MAP1A: variants seen among roughly 807,000 people sequenced by gnomAD.
MAP1A encodes microtubule associated protein 1A, also known as microtubule-associated protein 1A.
Under a neutral mutation model 185.9 loss-of-function variants are expected in MAP1A, and 42 were observed. The observed-to-expected ratio is 0.23, with a 90% confidence interval of 0.18 to 0.29. The LOEUF is 0.29. MAP1A is among the 10% of genes least tolerant of loss of function. The pLI, the probability that MAP1A is intolerant of heterozygous loss-of-function variation, is 1.00. For missense variants in MAP1A, 2,995 were observed against 3,450.4 expected, an observed-to-expected ratio of 0.87 and a Z score of 3.31; for synonymous variants, 1,229 against 1,335.9, an observed-to-expected ratio of 0.92 and a Z score of 1.74.
Position 43,521,839 on chromosome 15 carries a change from C to A in MAP1A, c.366C>A (p.Asp122Glu), listed in dbSNP as rs774285446. Residue 122 changes from aspartate to glutamate, a missense_variant, in exon 4 of 6, where the codon GAC becomes GAA. By Grantham distance (45) the Asp-to-Glu change is conservative (BLOSUM62 2). Transcript: ENST00000300231. This position sits in a 1 kb window ranked among gnomAD's most constrained non-coding sequence, Gnocchi z 4.6. The part of the protein sequence containing the change: ...EQSQGSSSYS[D>E]WVKNLISPEL... ...CCCAGGGCTCTAGCAGTTACAGCGA[C>A]TGGGTGAAGAACCTTATCTCTCCTG... 1 of 1,614,230 alleles carries A rather than the reference C, an allele frequency of 6.2e-7. No individual in the cohort carries two copies.
rs1233397995 is a variant in MAP1A, at chr15:43,524,389, A to G, written c.2916A>G (p.Pro972=). 13 of 1,614,106 alleles carry G rather than the reference A, an allele frequency of 8.1e-6. No homozygotes were observed. Among genetic ancestry groups the G allele is most frequent in the Non-Finnish European group, 9.3e-6 (11 of 1,180,036 alleles). Residue 972 remains proline (P), a synonymous_variant, in exon 4 of 6, where the codon CCA becomes CCG. Coordinates refer to ENST00000300231, the MANE Select transcript of MAP1A (RefSeq NM_002373.6). The part of the protein sequence containing the change: ...VFSAPGHALH[P]GEPALGEAEE... ...GTGCCCCTGGGCATGCCCTACATCC[A>G]GGAGAACCAGCCCTTGGAGAAGCAG...
upstream of MAP1A, among the ~76,000 whole-genome samples, chr15:43,514,041 T>G (rs894994699): frequency 2.0e-5 from 3 of 152,212 alleles, no homozygotes; most frequent in African/African-American, 7.2e-5. Context: ...TTCTTCAGAT[T>G]AAGATGCAGC....
upstream of MAP1A, among the ~76,000 whole-genome samples, chr15:43,516,351 G>A (rs923668214): frequency 5.9e-5 from 9 of 152,144 alleles, no homozygotes; most frequent in African/African-American, 2.2e-4. Flanking sequence ...CAATTAAGGG[G>A]GGATGGGGGA....
In MAP1A at chr15:43,522,820, G is replaced by A. The variant is rs1595647556; in HGVS notation, c.1347G>A (p.Arg449=). ...EKKDAKKEEK[R]KDTKPELKKI... is the part of the protein sequence containing the mutation. ...AGGATGCCAAGAAGGAGGAGAAGAG[G>A]AAAGATACCAAACCTGAGCTCAAGA... The change falls in exon 4 of 6, where the codon AGG becomes AGA. Residue 449 remains arginine, a synonymous_variant. Transcript: ENST00000300231. The surrounding 1 kb of genome is among the most constrained non-coding windows in gnomAD (Gnocchi z 5.9). 1 of 1,589,024 alleles carries A rather than the reference G, an allele frequency of 6.3e-7. No individual in the cohort carries two copies. Among genetic ancestry groups the A allele is most frequent in the Non-Finnish European group, 8.6e-7 (1 of 1,166,208 alleles).
chr15:43,525,997 T>C lies in MAP1A; in HGVS notation c.4524T>C (p.His1508=). 6.2e-7 allele frequency: 1 copy of C among 1,613,758 alleles called. No individual in the cohort carries two copies. The highest frequency in any genetic ancestry group is 1.1e-5 in the South Asian group (1 of 91,076). Residue 1508 remains histidine (H), a synonymous_variant, in exon 4 of 6, where the codon CAT becomes CAC. Transcript: ENST00000300231. ...ALDQKVRSVE[H]KAPEDTVAEM... Reference sequence around the variant, plus strand: ...ATCAAAAAGTCAGAAGTGTTGAACATAAGGCTCCGGAGGACACGGTCGCTG... The same window carrying C: ...ATCAAAAAGTCAGAAGTGTTGAACACAAGGCTCCGGAGGACACGGTCGCTG...
rs1566977987 is a variant in MAP1A, at chr15:43,524,802, G to T, written c.3329G>T (p.Gly1110Val). The T allele has an allele frequency of 1.9e-6, 3 of 1,614,140 alleles. No homozygotes were observed. The highest frequency in any genetic ancestry group is 2.5e-6 in the Non-Finnish European group (3 of 1,180,014). The change falls in exon 4 of 6, where the codon GGC becomes GTC. Residue 1110 changes from glycine (G) to valine (V), a missense_variant. Gly to Val is a moderately radical substitution (Grantham distance 109). This residue lies in a region of MAP1A where 2,728 missense variants were observed against 2,986.0 expected (regional missense o/e 0.91). Transcript: ENST00000300231. ...FEIMEAGEPT[G>V]PILGAEALPG... ...ATTATGGAGGCAGGAGAGCCCACAG[G>T]CCCAATTCTGGGAGCAGAAGCCCTT...
In MAP1A at chr15:43,525,450, G is replaced by A. The variant is rs763647597; in HGVS notation, c.3977G>A (p.Ser1326Asn). The part of the protein sequence containing the change: ...ILTPDSSFSK[S>N]PESLPGPALE... ...ACACCTGATAGCTCCTTCTCCAAGA[G>A]TCCTGAGTCTTTGCCAGGCCCTGCC... is the stretch of plus-strand genomic sequence containing the variant. Residue 1326 changes from serine (S) to asparagine (N), a missense_variant, in exon 4 of 6, where the codon AGT becomes AAT. Transcript: ENST00000300231. The A allele has an allele frequency of 6.2e-7, 1 of 1,614,214 alleles. No homozygotes were observed. The highest frequency in any genetic ancestry group is 1.7e-5 in the Admixed American group (1 of 60,032).
At position 43,522,122 on chromosome 15, in the gene MAP1A, C is replaced by G; in HGVS notation, c.649C>G (p.Gln217Glu). 6.2e-7 allele frequency: 1 copy of G among 1,614,218 alleles called. No homozygotes were observed. The highest frequency in any genetic ancestry group is 8.5e-7 in the Non-Finnish European group (1 of 1,180,048). ...CAGCAAGGAGATGCAGTTCCTCATG[C>G]AAAAGTGGGCAGGCAATAGTAAAGC... The part of the protein sequence containing the change: ...KDSKEMQFLM[Q>E]KWAGNSKAKT... Residue 217 changes from glutamine to glutamate, a missense_variant, in exon 4 of 6, where the codon CAA becomes GAA. Gln to Glu is a conservative substitution (Grantham distance 29, BLOSUM62 2). Transcript: ENST00000300231. The surrounding 1 kb of genome is among the most constrained non-coding windows in gnomAD (Gnocchi z 5.9).
rs775451625 is a variant in MAP1A at position 43,527,460 on chromosome 15, G to T, written c.5987G>T (p.Trp1996Leu). Residue 1996 changes from tryptophan to leucine, a missense_variant, in exon 4 of 6, where the codon TGG becomes TTG. Transcript: ENST00000300231. ...REPPLGAAGD[W>L]PPCLSTKEAA... ...CCTCCACTTGGAGCAGCTGGGGATT[G>T]GCCCCCATGCCTCTCAACCAAGGAG... 1.9e-6 allele frequency: 3 copies of T among 1,614,118 alleles called. No homozygotes were observed. In the South Asian group the frequency reaches 3.3e-5, roughly 18 times the overall value.
At chr15:43,512,459 C>G (rs1185584420) in intron 2 of MAP1A, among the ~76,000 whole-genome samples, 1 of 152,158 alleles carries the variant, frequency 6.6e-6, no homozygotes, top group Non-Finnish European at 1.5e-5. Context: ...ACCAAATATA[C>G]TTTGCAGACA....
rs767854736 is a variant in MAP1A at position 43,525,877 on chromosome 15, C to G, written c.4404C>G (p.Asp1468Glu). 5 of 1,613,028 alleles carry G rather than the reference C, an allele frequency of 3.1e-6. No individual in the cohort carries two copies. Among genetic ancestry groups the G allele is most frequent in the South Asian group, 1.1e-5 (1 of 90,956 alleles). ...AGGATACAGCCCTGGAACAGAAGGA[C>G]AAGGCCCTGGAACCAAAAGATAAAG... ...EQKDTALEQK[D>E]KALEPKDKDL... Residue 1468 changes from aspartate (D) to glutamate (E), a missense_variant, in exon 4 of 6, where the codon GAC becomes GAG. Physicochemically the swap from Asp to Glu is conservative, Grantham distance 45. Coordinates refer to ENST00000300231, the MANE Select transcript of MAP1A (RefSeq NM_002373.6).
Position 43,521,152 on chromosome 15 carries a change from C to T in MAP1A, c.-151+40C>T. On this transcript the variant is annotated intron_variant, in intron 3 of 5. Coordinates refer to ENST00000300231, the MANE Select transcript of MAP1A (RefSeq NM_002373.6). This position sits in a 1 kb window ranked among gnomAD's most constrained non-coding sequence, Gnocchi z 4.6. ...AGAGTGTCTGGGAGAAAGGGTAGCA[C>T]TAGAGCTGTGGGAGGGATCTAAGGG... 2.0e-6 allele frequency: 3 copies of T among 1,527,318 alleles called. No homozygotes were observed. Among genetic ancestry groups the T allele is most frequent in the Non-Finnish European group, 2.6e-6 (3 of 1,140,698 alleles). 94.6% of individuals were successfully genotyped at this position (1,527,318 alleles called of 1,614,324 possible). A position where few individuals can be genotyped will look rare whatever the true frequency, so the allele number is the denominator to read the frequency against.
intron 1 of MAP1A, among the ~76,000 whole-genome samples, chr15:43,511,795 G>T (rs1360106079): frequency 6.6e-6 from 1 of 152,214 alleles, no homozygotes; most frequent in Non-Finnish European, 1.5e-5. Context: ...TGGGGACAAG[G>T]AAGGGAACAC....
At position 43,527,171 on chromosome 15, in the gene MAP1A, G is replaced by C; in HGVS notation, c.5698G>C (p.Gly1900Arg). 1.2e-6 allele frequency: 2 copies of C among 1,613,798 alleles called. No homozygotes were observed. Among genetic ancestry groups the C allele is most frequent in the Non-Finnish European group, 1.7e-6 (2 of 1,179,920 alleles). ...VQEGAAELEG[G>R]PYSPLGKDYR... ...GGAGGGGGCAGCTGAGTTGGAAGGT[G>C]GGCCATACTCCCCCCTGGGGAAGGA... Residue 1900 changes from glycine (G) to arginine (R), a missense_variant, in exon 4 of 6, where the codon GGG (glycine) becomes CGG (arginine). By Grantham distance (125) the Gly-to-Arg change is moderately radical. Coordinates refer to ENST00000300231, the MANE Select transcript of MAP1A (RefSeq NM_002373.6).
chr15:43,523,268 G>A lies in MAP1A; in HGVS notation c.1795G>A (p.Val599Ile), dbSNP rs1378682925. The A allele has an allele frequency of 1.2e-6, 2 of 1,613,810 alleles. No individual in the cohort carries two copies. Among genetic ancestry groups the A allele is most frequent in the Non-Finnish European group, 1.7e-6 (2 of 1,179,856 alleles). Residue 599 changes from valine to isoleucine, a missense_variant, in exon 4 of 6, where the codon GTC (valine) becomes ATC (isoleucine). Transcript: ENST00000300231. ...GAAGGAGAAAGAGCTTGTCCCAGAG[G>A]TCCCTGAGGAACAAGGCAGCAAGGA... ...VMKEKELVPE[V>I]PEEQGSKDRG...
At chr15:43,511,436 T>A (rs917375798) in intron 1 of MAP1A, among the ~76,000 whole-genome samples, 1 of 152,216 alleles carries the variant, frequency 6.6e-6, no homozygotes, top group Non-Finnish European at 1.5e-5. Flanking sequence ...GCACACTCCA[T>A]GGCGTTCCGC....
In MAP1A at chr15:43,527,407, G is replaced by A. The variant is rs1161819060; in HGVS notation, c.5934G>A (p.Gly1978=). The part of the protein sequence containing the change: ...ADIYEQMMLT[G]LGPACPTREP... ...TCTATGAGCAGATGATGCTTACTGG[G>A]CTTGGCCCTGCATGCCCCACTAGAG... The change falls in exon 4 of 6, where the codon GGG becomes GGA. Residue 1978 remains glycine (G), a synonymous_variant. Coordinates refer to ENST00000300231, the MANE Select transcript of MAP1A (RefSeq NM_002373.6). The A allele has an allele frequency of 6.2e-7, 1 of 1,614,080 alleles. No homozygotes were observed. Among genetic ancestry groups the A allele is most frequent in the Non-Finnish European group, 8.5e-7 (1 of 1,180,026 alleles).
In MAP1A at chr15:43,526,897, A is replaced by G. The variant is rs1566978744; in HGVS notation, c.5424A>G (p.Gln1808=). The G allele has an allele frequency of 1.2e-6, 2 of 1,613,970 alleles. No individual in the cohort carries two copies. The highest frequency in any genetic ancestry group is 2.7e-5 in the African/African-American group (2 of 74,880). The part of the protein sequence containing the change: ...PPASPPEMVG[Q]RVPSAPGQES... ...CTTCCCCACCTGAGATGGTTGGACAAAGGGTTCCTTCAGCCCCAGGACAAG... is the reference window on the plus strand; with the variant it reads ...CTTCCCCACCTGAGATGGTTGGACAGAGGGTTCCTTCAGCCCCAGGACAAG... The change falls in exon 4 of 6, where the codon CAA becomes CAG. Residue 1808 remains glutamine (Q), a synonymous_variant. Transcript: ENST00000300231. The surrounding 1 kb of genome is among the most constrained non-coding windows in gnomAD (Gnocchi z 4.7).
rs909232190 is a variant in MAP1A, at chr15:43,525,123, T to C, written c.3650T>C (p.Leu1217Pro). ...ETSLDVSSKQ[L>P]SPESLGTLQF... ...TCCCTGGATGTCTCTTCTAAGCAGC[T>C]CTCTCCAGAAAGCCTTGGCACCCTC... The change falls in exon 4 of 6, where the codon CTC becomes CCC. Residue 1217 changes from leucine (L) to proline (P), a missense_variant. Around this residue, in one of 3 missense-constraint regions of MAP1A, gnomAD observed 2,728 missense variants for 2,986.0 expected, o/e 0.91. Transcript: ENST00000300231. 1.2e-6 allele frequency: 2 copies of C among 1,613,966 alleles called. No homozygotes were observed. The highest frequency in any genetic ancestry group is 2.7e-5 in the African/African-American group (2 of 74,894).
Sources: allele counts gnomAD v4.1 joint callset (sites outside exome capture counted in the v4.1 genomes callset), GRCh38; gene constraint gnomAD v4.1.1; regional missense constraint gnomAD v4.1.1; non-coding constraint Gnocchi (gnomAD v3.1); transcripts MANE v1.5; gene names NCBI Gene and HGNC (gene_info 2026-07-23, HGNC 2026-07-21).